CHCHD6: variants seen among roughly 807,000 people sequenced by gnomAD.
The protein encoded by CHCHD6 is MICOS complex subunit MIC25.
CHCHD6 carries 28 observed loss-of-function variants against 32.3 expected under a neutral mutation model. That is an observed-to-expected ratio of 0.87 (90% CI 0.64 to 1.19). The LOEUF is 1.19. CHCHD6 is among the 50% of genes most tolerant of loss of function. The pLI, the probability that CHCHD6 is intolerant of heterozygous loss-of-function variation, is 0.00. For missense variants in CHCHD6, 333 were observed against 307.0 expected (o/e 1.08, Z -0.63); for synonymous variants, 122 against 117.5 (o/e 1.04, Z -0.25).
intron 6 of CHCHD6, among the ~76,000 whole-genome samples, chr3:126,923,197 A>T (rs1483625289): frequency 3.9e-5 from 6 of 152,232 alleles, no homozygotes; most frequent in Non-Finnish European, 8.8e-5. Flanking sequence ...TAGAGTTTTC[A>T]ATTCTGAATC....
intron 4 of CHCHD6, among the ~76,000 whole-genome samples, chr3:126,819,358 G>C (rs1940055965): frequency 6.6e-6 from 1 of 152,168 alleles, no homozygotes; most frequent in Non-Finnish European, 1.5e-5. Flanking sequence ...TAATATCAGA[G>C]TGCCTTGCCA....
intron 4 of CHCHD6, among the ~76,000 whole-genome samples, chr3:126,783,948 A>T (rs1938075415): frequency 6.6e-6 from 1 of 152,024 alleles, no homozygotes; most frequent in Admixed American, 6.6e-5. Flanking sequence ...CTTTTGGGGG[A>T]GGGTAAGAGG....
chr3:126,872,464 G>T (rs1427961699), intron 5 of CHCHD6, among the ~76,000 whole-genome samples: 1 of 152,120 alleles, frequency 6.6e-6, no homozygotes, highest in Non-Finnish European at 1.5e-5. Context: ...GATTTCCACC[G>T]CAGAGTCCTA....
chr3:126,742,551 T>C (rs1479634397), intron 4 of CHCHD6, among the ~76,000 whole-genome samples: 1 of 152,132 alleles, frequency 6.6e-6, no homozygotes, highest in Non-Finnish European at 1.5e-5. Context: ...GGTGATTGGG[T>C]CATGAGGGCT....
chr3:126,765,000 G>C (rs1937309509), intron 4 of CHCHD6, among the ~76,000 whole-genome samples: 1 of 152,230 alleles, frequency 6.6e-6, no homozygotes, highest in African/African-American at 2.4e-5. Flanking sequence ...ACTGCTACGT[G>C]CCCTCCAAGG....
intron 4 of CHCHD6, among the ~76,000 whole-genome samples, chr3:126,792,517 C>T (rs2107686644): frequency 1.3e-5 from 2 of 152,124 alleles, no homozygotes; most frequent in East Asian, 1.9e-4. Flanking sequence ...CTCTTTGACC[C>T]ATGGTTTGTT....
chr3:126,809,492 G>T (rs1289308876), intron 4 of CHCHD6, among the ~76,000 whole-genome samples: 1 of 152,142 alleles, frequency 6.6e-6, no homozygotes, highest in Admixed American at 6.6e-5. Context: ...GCTGATCTGG[G>T]TGCAACAGTT....
chr3:126,834,333 A>T (rs564416881), intron 4 of CHCHD6, among the ~76,000 whole-genome samples: 1 of 152,316 alleles, frequency 6.6e-6, no homozygotes, highest in South Asian at 2.1e-4. Context: ...GTGCTATGGG[A>T]GTACAGATAG....
At chr3:126,724,557 A>C (rs1289805155) in intron 1 of CHCHD6, among the ~76,000 whole-genome samples, 2 of 152,082 alleles carry the variant, frequency 1.3e-5, no homozygotes, top group Non-Finnish European at 2.9e-5. Flanking sequence ...ACTGATCAGG[A>C]TGGTGGTTGG....
intron 5 of CHCHD6, among the ~76,000 whole-genome samples, chr3:126,894,419 G>A (rs1265896934): frequency 6.6e-6 from 1 of 152,224 alleles, no homozygotes; most frequent in Non-Finnish European, 1.5e-5. Context: ...CAAGACAAAG[G>A]ACAGACATTA....
intron 4 of CHCHD6, among the ~76,000 whole-genome samples, chr3:126,770,425 C>T (rs933282012): frequency 3.9e-5 from 6 of 152,176 alleles, no homozygotes; most frequent in Admixed American, 2.0e-4. Context: ...AAGGGGAATG[C>T]TTCCAGCTTT....
At chr3:126,908,138 A>AGTC (rs1262247780) in intron 5 of CHCHD6, among the ~76,000 whole-genome samples, 2 of 152,246 alleles carry the variant, frequency 1.3e-5, no homozygotes, top group African/African-American at 4.8e-5. Flanking sequence ...GTGAGTGGAC[A>AGTC]TATCACTGTT....
intron 5 of CHCHD6, among the ~76,000 whole-genome samples, chr3:126,872,119 A>G (rs1348724399): frequency 6.6e-6 from 1 of 152,132 alleles, no homozygotes; most frequent in Non-Finnish European, 1.5e-5. Context: ...ATCTGGAGAC[A>G]TATTTGGTTG....
At chr3:126,897,169 C>G (rs945277142) in intron 5 of CHCHD6, among the ~76,000 whole-genome samples, 2 of 152,212 alleles carry the variant, frequency 1.3e-5, no homozygotes, top group African/African-American at 2.4e-5. Context: ...CCAGCTGGCA[C>G]ACACTCCCCA....
chr3:126,827,382 G>C (rs571102390), intron 4 of CHCHD6, among the ~76,000 whole-genome samples: 1 of 152,356 alleles, frequency 6.6e-6, no homozygotes, highest in East Asian at 1.9e-4. Context: ...GCCTGAGCCA[G>C]AATGAATGAT....
intron 1 of CHCHD6, among the ~76,000 whole-genome samples, chr3:126,718,193 G>C (rs1371272364): frequency 6.6e-6 from 1 of 152,218 alleles, no homozygotes; most frequent in African/African-American, 2.4e-5. Context: ...AGAGCACTTA[G>C]AACAGTGCTG....
chr3:126,893,551 T>C (rs1458837871), intron 5 of CHCHD6, among the ~76,000 whole-genome samples: 1 of 152,234 alleles, frequency 6.6e-6, no homozygotes, highest in Non-Finnish European at 1.5e-5. Flanking sequence ...CGAAGAGTCC[T>C]AGTCCTTTAT....
chr3:126,811,859 G>A (rs1359148104), intron 4 of CHCHD6, among the ~76,000 whole-genome samples: 2 of 152,154 alleles, frequency 1.3e-5, no homozygotes, highest in Non-Finnish European at 2.9e-5. Context: ...AGACAGTGTG[G>A]CCCTAAGACC....
intron 4 of CHCHD6, among the ~76,000 whole-genome samples, chr3:126,746,963 G>T (rs997860716): frequency 4.6e-4 from 70 of 152,318 alleles, no homozygotes; most frequent in Non-Finnish European, 7.5e-4. Context: ...GGTTAGCCTG[G>T]GTGCTGTGGG....
Sources: gnomAD v4.1 joint callset for allele counts (sites outside exome capture counted in the v4.1 genomes callset) on GRCh38, gnomAD v4.1.1 for gene constraint, MANE v1.5 for transcripts, NCBI Gene and HGNC (gene_info 2026-07-23, HGNC 2026-07-21) for gene names.